CSF1: variants seen among roughly 807,000 people sequenced by gnomAD.
CSF1 encodes the protein colony stimulating factor 1, also known as macrophage colony-stimulating factor 1.
CSF1 carries 9 observed loss-of-function variants against 48.9 expected under a neutral mutation model. The observed-to-expected ratio is 0.18, with a 90% confidence interval of 0.11 to 0.32. The LOEUF is 0.32. Ranked by LOEUF, CSF1 falls within the 10% of genes least tolerant of loss-of-function variation. CSF1 has a pLI of 1.00. For synonymous variants in CSF1, 305 were observed against 284.1 expected (o/e 1.07, Z -0.74); for missense variants, 672 against 697.9 (o/e 0.96, Z 0.42).
At chr1:109,911,459 T>A (rs1193031447) in intron 1 of CSF1, among the ~76,000 whole-genome samples, 10 of 152,212 alleles carry the variant, frequency 6.6e-5, no homozygotes, top group Admixed American at 6.5e-4. Context: ...ACCTTCCTCA[T>A]CGGCCACACA....
chr1:109,927,796 G>A (rs1224999431), intron 8 of CSF1, among the ~76,000 whole-genome samples: 1 of 152,220 alleles, frequency 6.6e-6, no homozygotes, highest in Non-Finnish European at 1.5e-5. Context: ...CATAGAGGCA[G>A]AGACTGAGAT....
intron 1 of CSF1, among the ~76,000 whole-genome samples, chr1:109,912,862 C>T (rs554925345): frequency 1.3e-5 from 2 of 152,298 alleles, no homozygotes; most frequent in African/African-American, 2.4e-5. Context: ...CCCCAGCCCC[C>T]GTGACTGCCG....
At chr1:109,919,454 C>A (rs902937856) in intron 4 of CSF1, among the ~76,000 whole-genome samples, 3 of 152,142 alleles carry the variant, frequency 2.0e-5, no homozygotes, top group Non-Finnish European at 4.4e-5. Context: ...GTCTCAAACT[C>A]CCAGGCTCAA....
At chr1:109,915,297 G>C (rs1409856564) in intron 2 of CSF1, among the ~76,000 whole-genome samples, 1 of 152,204 alleles carries the variant, frequency 6.6e-6, no homozygotes, top group Non-Finnish European at 1.5e-5. Context: ...GCCTCTGCTT[G>C]AATTCCTACC....
upstream of CSF1, chr1:109,910,757 ATG>A (rs879396056): frequency 7.5e-5 from 15 of 201,130 alleles, no homozygotes; most frequent in Admixed American, 1.2e-4. Flanking sequence ...GTGTGTGTGT[ATG>A]TGTGTGTCTG....
At position 109,924,812 on chromosome 1, in the gene CSF1, G is replaced by C; in HGVS notation, c.1606G>C (p.Glu536Gln). Residue 536 changes from glutamate (E) to glutamine (Q), a missense_variant, in exon 7 of 9, where the codon GAG becomes CAG. Transcript: ENST00000329608. The part of the protein sequence containing the change: ...QEPQRADSPL[E>Q]QPEGSPLTQD... ...GCCTCAGAGAGCGGATTCTCCCTTG[G>C]AGCAACCAGAGGGCAGGTGAGAGCT... 6.2e-7 allele frequency: 1 copy of C among 1,604,960 alleles called. No individual in the cohort carries two copies.
Position 109,924,072 on chromosome 1 carries a change from A to G in CSF1, c.1451A>G (p.Gln484Arg), listed in dbSNP as rs768537404. Residue 484 changes from glutamine to arginine, a missense_variant, in exon 6 of 9, where the codon CAG becomes CGG. By Grantham distance (43) the Gln-to-Arg change is conservative. Coordinates refer to ENST00000329608, the MANE Select transcript of CSF1 (RefSeq NM_000757.6). ...VPLTDTGHER[Q>R]SEGSFSPQLQ... is the part of the protein sequence containing the mutation. The stretch of plus-strand genomic sequence containing the variant: ...TTGACTGACACAGGCCATGAGAGGC[A>G]GTCCGAGGGATCCTTCAGCCCGCAG... 6.2e-7 allele frequency: 1 copy of G among 1,614,210 alleles called. No individual in the cohort carries two copies. The highest frequency in any genetic ancestry group is 8.5e-7 in the Non-Finnish European group (1 of 1,180,018).
At position 109,914,400 on chromosome 1, in the gene CSF1, T is replaced by G. The variant is rs1297432604; in HGVS notation, c.162+19T>G. Reference sequence around the variant, plus strand: ...GCGGCTGGTGAGTGTGTGGCCATGCTGTATTCTACCTTCTCCCCACTGGGG... The same window carrying G: ...GCGGCTGGTGAGTGTGTGGCCATGCGGTATTCTACCTTCTCCCCACTGGGG... On this transcript the variant is annotated intron_variant, in intron 2 of 8. Coordinates refer to ENST00000329608, the MANE Select transcript of CSF1 (RefSeq NM_000757.6). 1.9e-6 allele frequency: 3 copies of G among 1,575,532 alleles called. No individual in the cohort carries two copies. The highest frequency in any genetic ancestry group is 2.6e-6 in the Non-Finnish European group (3 of 1,160,314).
At chr1:109,917,022 A>G (rs1458994570) in intron 3 of CSF1, among the ~76,000 whole-genome samples, 1 of 152,160 alleles carries the variant, frequency 6.6e-6, no homozygotes, top group African/African-American at 2.4e-5. Context: ...ATATACATCC[A>G]TCGTGATTAA....
chr1:109,925,289 T>C, intron 8 of CSF1, 87 bp downstream of exon 8: 4 of 1,120,590 alleles, frequency 3.6e-6, no homozygotes, highest in Non-Finnish European at 5.4e-6. Context: ...CCAATTCCCC[T>C]GAGGCCCCCA....
At chr1:109,927,644 C>T (rs564863893) in intron 8 of CSF1, among the ~76,000 whole-genome samples, 51 of 152,314 alleles carry the variant, frequency 3.3e-4, no homozygotes, top group African/African-American at 1.2e-3. Context: ...GAATCCAGGG[C>T]AGGGGCTACA....
Position 109,929,211 on chromosome 1 carries a change from G to A in CSF1, c.*373G>A, listed in dbSNP as rs1219912952. 1 of 152,758 alleles carries A rather than the reference G, an allele frequency of 6.5e-6. No homozygotes were observed. Among genetic ancestry groups the A allele is most frequent in the Non-Finnish European group, 1.5e-5 (1 of 68,114 alleles). 9.5% of individuals were successfully genotyped at this position (152,758 alleles called of 1,614,324 possible). A position where few individuals can be genotyped will look rare whatever the true frequency, so the allele number is the denominator to read the frequency against. On this transcript the variant is annotated 3_prime_UTR_variant, in exon 9 of 9. Transcript: ENST00000329608. Reference sequence around the variant, plus strand: ...CCAGGGACCCACCGGCCTGTGGTTTGTGGGAAAGCAGGGTGGACGCTGAGG... The same window carrying A: ...CCAGGGACCCACCGGCCTGTGGTTTATGGGAAAGCAGGGTGGACGCTGAGG...
rs765946050 is a variant in CSF1, at chr1:109,924,009, G to T, written c.1388G>T (p.Gly463Val). Residue 463 changes from glycine (G) to valine (V), a missense_variant, in exon 6 of 9, where the codon GGG becomes GTG. By Grantham distance (109) the Gly-to-Val change is moderately radical. Coordinates refer to ENST00000329608, the MANE Select transcript of CSF1 (RefSeq NM_000757.6). ...CCAGAAGGAGGACCAGCAAGTGAAG[G>T]GGCAGCCAGGCCCCTGCCCCGTTTT... ...AEPEGGPASE[G>V]AARPLPRFNS... is the part of the protein sequence containing the mutation. 1 of 1,614,088 alleles carries T rather than the reference G, an allele frequency of 6.2e-7. No individual in the cohort carries two copies. The highest frequency in any genetic ancestry group is 1.1e-5 in the South Asian group (1 of 91,092).
intron 1 of CSF1, 52 bp from the exon 2 acceptor site, chr1:109,914,207 G>T (rs1249760975): frequency 1.9e-6 from 3 of 1,545,462 alleles, no homozygotes; most frequent in South Asian, 2.6e-5. Flanking sequence ...AGGGCATGGG[G>T]ATAACTGGGG....
intron 4 of CSF1, among the ~76,000 whole-genome samples, 188 bp from the exon 5 acceptor site, chr1:109,921,659 G>A (rs985921604): frequency 6.6e-6 from 1 of 152,186 alleles, no homozygotes; most frequent in South Asian, 2.1e-4. Flanking sequence ...TGTTGAATGG[G>A]TCTGTGAATA....
Position 109,921,936 on chromosome 1 carries a change from G to C in CSF1, c.486G>C (p.Lys162Asn), listed in dbSNP as rs761881593. The C allele has an allele frequency of 6.2e-7, 1 of 1,611,724 alleles. No homozygotes were observed. The highest frequency in any genetic ancestry group is 2.2e-5 in the East Asian group (1 of 44,738). ...VFNETKNLLD[K>N]DWNIFSKNCN... Reference sequence around the variant, plus strand: ...ATGAAACAAAGAATCTCCTTGACAAGGACTGGAATATTTTCAGCAAGAACT... The same window carrying C: ...ATGAAACAAAGAATCTCCTTGACAACGACTGGAATATTTTCAGCAAGAACT... Residue 162 changes from lysine to asparagine, a missense_variant, in exon 5 of 9, where the codon AAG becomes AAC. Physicochemically the swap from Lys to Asn is moderately conservative, Grantham distance 94. Around this residue, in one of 3 missense-constraint regions of CSF1, gnomAD observed 591 missense variants for 593.6 expected, o/e 1.00. Transcript: ENST00000329608.
intron 8 of CSF1, chr1:109,926,633 G>A (rs959612004): frequency 7.9e-6 from 1 of 126,570 alleles, no homozygotes; most frequent in Non-Finnish European, 1.6e-5. Flanking sequence ...CAAGCCCACA[G>A]CCAGCCCATC....
chr1:109,927,820 C>T (rs1446078905), intron 8 of CSF1, among the ~76,000 whole-genome samples: 2 of 152,190 alleles, frequency 1.3e-5, no homozygotes, highest in Non-Finnish European at 2.9e-5. Flanking sequence ...GACTCAGAGC[C>T]ACAGAAAATG....
chr1:109,913,155 C>T (rs1654762587), intron 1 of CSF1, among the ~76,000 whole-genome samples: 3 of 152,340 alleles, frequency 2.0e-5, no homozygotes, highest in South Asian at 2.1e-4. Flanking sequence ...TTCATAGCCT[C>T]GTTGTGTTTT....
Sources: allele counts gnomAD v4.1 joint callset (sites outside exome capture counted in the v4.1 genomes callset), GRCh38; gene constraint gnomAD v4.1.1; regional missense constraint gnomAD v4.1.1; transcripts MANE v1.5; gene names NCBI Gene and HGNC (gene_info 2026-07-23, HGNC 2026-07-21).